ADD3: variants seen among roughly 807,000 people sequenced by gnomAD.
ADD3 encodes adducin 3.
ADD3 carries 25 observed loss-of-function variants against 80.2 expected under a neutral mutation model. The ratio of observed to expected loss-of-function variants is 0.31; its 90% confidence interval spans 0.23 to 0.44. The LOEUF is 0.44. Among genes scored for constraint, ADD3 ranks in the 20% least tolerant of loss-of-function variants. ADD3 has a pLI of 1.00. For synonymous variants in ADD3, 284 were observed against 289.6 expected (o/e 0.98, Z 0.20); for missense variants, 829 against 847.5 (o/e 0.98, Z 0.27).
At chr10:110,120,690 A>G (rs932808376) in intron 8 of ADD3, among the ~76,000 whole-genome samples, 3 of 152,224 alleles carry the variant, frequency 2.0e-5, no homozygotes, top group Non-Finnish European at 4.4e-5. Context: ...CCGCATCGCC[A>G]AGTCAATCCT....
At chr10:110,007,394 A>C (rs1489872974), upstream of ADD3, among the ~76,000 whole-genome samples, 2 of 152,092 alleles carry the variant, frequency 1.3e-5, no homozygotes, top group African/African-American at 4.8e-5. Context: ...CGGAGGTTGA[A>C]CCTTTGCAGT....
chr10:110,128,582 AT>A (rs112957764), intron 12 of ADD3, among the ~76,000 whole-genome samples: 48 of 151,444 alleles, frequency 3.2e-4, no homozygotes, highest in Non-Finnish European at 6.0e-4. Context: ...TGCCCGACTA[AT>A]TTTTTTTGTA....
At chr10:110,041,028 G>A (rs1339596194) in intron 1 of ADD3, among the ~76,000 whole-genome samples, 1 of 151,776 alleles carries the variant, frequency 6.6e-6, no homozygotes, top group African/African-American at 2.4e-5. Context: ...CACTCATGCT[G>A]TATCTCTTGC....
chr10:110,071,172 T>A (rs1844659526), intron 1 of ADD3, among the ~76,000 whole-genome samples: 1 of 152,162 alleles, frequency 6.6e-6, no homozygotes, highest in Non-Finnish European at 1.5e-5. Context: ...AACATATTTT[T>A]CCAAGTAAAA....
At chr10:110,051,993 G>A (rs1427061985) in intron 1 of ADD3, among the ~76,000 whole-genome samples, 1 of 152,090 alleles carries the variant, frequency 6.6e-6, no homozygotes, top group African/African-American at 2.4e-5. Flanking sequence ...TAGAGACAAG[G>A]TCTTGCCATG....
At chr10:110,043,206 A>G (rs909100473) in intron 1 of ADD3, among the ~76,000 whole-genome samples, 1 of 152,234 alleles carries the variant, frequency 6.6e-6, no homozygotes, top group Non-Finnish European at 1.5e-5. Flanking sequence ...CTTGGCCTTT[A>G]CAGGTGGACT....
chr10:110,119,805 A>G (rs1422249561), intron 8 of ADD3: 2 of 385,764 alleles, frequency 5.2e-6, no homozygotes, highest in Non-Finnish European at 9.4e-6. Context: ...TTTCCCTACA[A>G]TCCTGCTTTT....
chr10:110,123,731 T>C (rs1357583626), intron 9 of ADD3: 1 of 308,846 alleles, frequency 3.2e-6, no homozygotes, highest in Non-Finnish European at 6.1e-6. Context: ...GTTTTATAGA[T>C]AGAAAAGCAC....
At chr10:110,028,087 A>G (rs1488403766) in intron 1 of ADD3, among the ~76,000 whole-genome samples, 1 of 152,186 alleles carries the variant, frequency 6.6e-6, no homozygotes, top group Non-Finnish European at 1.5e-5. Context: ...AATACCTCTC[A>G]AGTTGCTATG....
At chr10:110,028,438 C>G (rs1417019412) in intron 1 of ADD3, among the ~76,000 whole-genome samples, 1 of 152,120 alleles carries the variant, frequency 6.6e-6, no homozygotes, top group Non-Finnish European at 1.5e-5. Context: ...GTGGCGGGCG[C>G]CTGTAATCCC....
chr10:110,068,376 C>T (rs1215779430), intron 1 of ADD3, among the ~76,000 whole-genome samples: 1 of 152,156 alleles, frequency 6.6e-6, no homozygotes, highest in Non-Finnish European at 1.5e-5. Context: ...CAACCAACCA[C>T]AGATTGAAAA....
intron 1 of ADD3, among the ~76,000 whole-genome samples, chr10:110,047,838 T>A (rs1857067002): frequency 6.6e-6 from 1 of 152,210 alleles, no homozygotes; most frequent in Non-Finnish European, 1.5e-5. Context: ...CTTCAGCTGG[T>A]AAGGTAAAAT....
chr10:110,092,397 AC>A (rs1252702031), intron 1 of ADD3, among the ~76,000 whole-genome samples: 1 of 152,234 alleles, frequency 6.6e-6, no homozygotes, highest in African/African-American at 2.4e-5. Flanking sequence ...CATAAAAAAA[AC>A]ATGAAATCAT....
chr10:110,112,126 C>CT (rs1248306198), intron 2 of ADD3: 1,652 of 145,592 alleles, frequency 0.011, 13 homozygotes, highest in African/African-American at 0.026. Context: ...GGAACTCTGT[C>CT]TTTTTTTTTT....
chr10:110,058,473 G>T (rs1858482127), intron 1 of ADD3, among the ~76,000 whole-genome samples: 1 of 152,098 alleles, frequency 6.6e-6, no homozygotes, highest in Non-Finnish European at 1.5e-5. Context: ...CCATCTGATT[G>T]ACGAGATGGT....
intron 1 of ADD3, among the ~76,000 whole-genome samples, chr10:110,052,943 TA>T (rs766192106): frequency 6.6e-6 from 1 of 152,216 alleles, no homozygotes; most frequent in Non-Finnish European, 1.5e-5. Context: ...TATGAAGATA[TA>T]AATAATAATG....
chr10:110,065,544 T>TTTTTTTCTTC (rs1554928298), intron 1 of ADD3, among the ~76,000 whole-genome samples: 9 of 76,512 alleles, frequency 1.2e-4, no homozygotes, highest in African/African-American at 4.1e-4. Context: ...CTCCCCTTTT[T>TTTTTTTCTTC]TTTTTTTTTT....
chr10:109,999,500 C>A (rs1851442824), intron 1 of ADD3, among the ~76,000 whole-genome samples: 1 of 152,238 alleles, frequency 6.6e-6, no homozygotes, highest in Non-Finnish European at 1.5e-5. Flanking sequence ...TCCTTTTGGA[C>A]TCTCTTATTC....
At chr10:109,996,991 A>G (rs1395017157) in intron 1 of ADD3, among the ~76,000 whole-genome samples, 1 of 152,202 alleles carries the variant, frequency 6.6e-6, no homozygotes, top group Non-Finnish European at 1.5e-5. Flanking sequence ...ATAGATCACA[A>G]GGTTTTTATT....
Sources: allele counts gnomAD v4.1 joint callset (sites outside exome capture counted in the v4.1 genomes callset), GRCh38; gene constraint gnomAD v4.1.1; transcripts MANE v1.5; gene names NCBI Gene and HGNC (gene_info 2026-07-23, HGNC 2026-07-21).